LSG1: variants seen among roughly 807,000 people sequenced by gnomAD.
The protein encoded by LSG1 is large 60S subunit nuclear export GTPase 1.
Under a neutral mutation model 82.6 loss-of-function variants are expected in LSG1, and 55 were observed. The ratio of observed to expected loss-of-function variants is 0.67; its 90% CI spans 0.54 to 0.83. LSG1 has a LOEUF of 0.83. LSG1 is among the 40% of genes least tolerant of loss of function. LSG1 has a pLI of 0.00. For synonymous variants in LSG1, 272 were observed against 282.5 expected (o/e 0.96, Z 0.37); for missense variants, 809 against 807.9 (o/e 1.00, Z -0.02).
intron 7 of LSG1, among the ~76,000 whole-genome samples, chr3:194,657,458 GTTTT>G (rs58115258): frequency 1.1e-3 from 150 of 139,102 alleles, no homozygotes; most frequent in African/African-American, 1.7e-3. Context: ...TGCTTAGTAA[GTTTT>G]TTTTTTTTTT....
chr3:194,642,368 C>G (rs959147079), intron 13 of LSG1, 121 bp from the exon 14 acceptor site: 6 of 690,686 alleles, frequency 8.7e-6, no homozygotes, highest in Non-Finnish European at 1.3e-5. Flanking sequence ...TGAACTTCCG[C>G]CCCCCTCCCC....
chr3:194,646,887 G>A (rs763522964), intron 11 of LSG1, among the ~76,000 whole-genome samples: 2 of 152,230 alleles, frequency 1.3e-5, no homozygotes, highest in Non-Finnish European at 2.9e-5. Flanking sequence ...AATACTACTT[G>A]CAAAACAGAA....
At chr3:194,648,312 G>T (rs964078080) in intron 11 of LSG1, among the ~76,000 whole-genome samples, 1 of 151,952 alleles carries the variant, frequency 6.6e-6, no homozygotes, top group African/African-American at 2.4e-5. Context: ...TCTCTGAGGG[G>T]TCTCCCTTCT....
chr3:194,658,882 A>C, intron 7 of LSG1, 75 bp downstream of exon 7: 3 of 1,400,132 alleles, frequency 2.1e-6, no homozygotes, highest in South Asian at 2.7e-5. Context: ...GAATAAACAA[A>C]ACACAAACGA....
chr3:194,655,182 C>A (rs573828435), intron 7 of LSG1, among the ~76,000 whole-genome samples: 1 of 152,154 alleles, frequency 6.6e-6, no homozygotes, highest in Non-Finnish European at 1.5e-5. Flanking sequence ...TTAATCCAGA[C>A]ACTGACATTA....
At chr3:194,662,618 C>T (rs148859154) in intron 5 of LSG1, among the ~76,000 whole-genome samples, 2,005 of 152,218 alleles carry the variant, frequency 0.013, 46 homozygotes, top group African/African-American at 0.045. Context: ...CAAAATTAGC[C>T]GGGCGTGGTG....
Position 194,644,744 on chromosome 3 carries a change from A to T in LSG1, c.1626T>A (p.Gly542=). 6.2e-7 allele frequency: 1 copy of T among 1,602,892 alleles called. No individual in the cohort carries two copies. The highest frequency in any genetic ancestry group is 8.5e-7 in the Non-Finnish European group (1 of 1,174,002). ...GAGGAGGATGGCAGTACAGCAGCTT[A>T]CCCTACAAAGACAACATGAATGACA... ...ARYILKDYVS[G]KLLYCHPPPG... The change falls in exon 13 of 14, where the codon GGT becomes GGA. Residue 542 remains glycine, a splice_region_variant and synonymous_variant. Coordinates refer to ENST00000265245, the MANE Select transcript of LSG1 (RefSeq NM_018385.3).
In LSG1 at chr3:194,672,085, G is replaced by C; in HGVS notation, c.78C>G (p.Ser26Arg). The change falls in exon 1 of 14, where the codon AGC (serine) becomes AGG (arginine). Residue 26 changes from serine to arginine, a missense_variant. Coordinates refer to ENST00000265245, the MANE Select transcript of LSG1 (RefSeq NM_018385.3). Reference sequence around the variant, plus strand: ...TTACCCAGGAGTCAGTGTGACGATGGCTTCGGCTCCGCTGAGTCTGATGGC... The same window carrying C: ...TTACCCAGGAGTCAGTGTGACGATGCCTTCGGCTCCGCTGAGTCTGATGGC... The part of the protein sequence containing the change: ...LMRHQTQRSR[S>R]HRHTDSWLHT... 1 of 1,611,870 alleles carries C rather than the reference G, an allele frequency of 6.2e-7. No homozygotes were observed. Among genetic ancestry groups the C allele is most frequent in the Non-Finnish European group, 8.5e-7 (1 of 1,179,974 alleles).
intron 1 of LSG1, 133 bp downstream of exon 1, chr3:194,671,931 C>CAGA: frequency 1.3e-6 from 1 of 784,476 alleles, no homozygotes; most frequent in Middle Eastern, 2.2e-4. Context: ...CTCAGCTTGG[C>CAGA]AGAAACTCCA....
chr3:194,657,770 A>C (rs1444284022), intron 7 of LSG1, among the ~76,000 whole-genome samples: 2 of 152,160 alleles, frequency 1.3e-5, no homozygotes, highest in Admixed American at 6.5e-5. Context: ...AGAGAACCGA[A>C]GGGACAAAGA....
chr3:194,646,107 C>T (rs571034770), intron 12 of LSG1, 57 bp downstream of exon 12: 60 of 1,523,112 alleles, frequency 3.9e-5, no homozygotes, highest in South Asian at 1.6e-4. Context: ...TATCTAAGAA[C>T]GCAGAATGTG....
intron 13 of LSG1, among the ~76,000 whole-genome samples, chr3:194,644,158 C>T (rs112743867): frequency 1.6e-4 from 25 of 151,834 alleles, no homozygotes; most frequent in African/African-American, 5.8e-4. Context: ...GTCAGGAGAT[C>T]GAGACCATCC....
intron 1 of LSG1, 105 bp from the exon 2 acceptor site, chr3:194,670,240 G>T: frequency 1.6e-6 from 2 of 1,221,130 alleles, no homozygotes; most frequent in South Asian, 1.3e-5. Flanking sequence ...GAGGGTGGTT[G>T]TAGTCCCTTT....
chr3:194,649,901 T>C (rs759620541), intron 10 of LSG1, among the ~76,000 whole-genome samples: 2 of 150,592 alleles, frequency 1.3e-5, no homozygotes, highest in Non-Finnish European at 2.9e-5. Flanking sequence ...TCTCAGACCT[T>C]GCAGTTTTTT....
At chr3:194,658,204 C>T (rs1675950) in intron 7 of LSG1, among the ~76,000 whole-genome samples, 93,425 of 152,024 alleles carry the variant, frequency 0.61, 30,260 homozygotes, top group East Asian at 0.87. Flanking sequence ...CTGGAGTGCA[C>T]TGGCATGATC....
chr3:194,659,172 CAA>C (rs759172723), intron 6 of LSG1, 39 bp from the exon 7 acceptor site: 1 of 1,485,902 alleles, frequency 6.7e-7, no homozygotes, highest in Non-Finnish European at 9.1e-7. Context: ...CCTCTTCAAA[CAA>C]GTAAAAAAAT....
intron 5 of LSG1, among the ~76,000 whole-genome samples, chr3:194,662,599 C>T (rs1718955584): frequency 6.6e-6 from 1 of 152,154 alleles, no homozygotes; most frequent in South Asian, 2.1e-4. Context: ...CCCGTCTCTA[C>T]TAAAAATACA....
Position 194,641,704 on chromosome 3 carries a change from C to G in LSG1, c.*364G>C, listed in dbSNP as rs1164887391. 6.2e-6 allele frequency: 1 copy of G among 162,230 alleles called. No homozygotes were observed. Among genetic ancestry groups the G allele is most frequent in the Non-Finnish European group, 1.3e-5 (1 of 74,582 alleles). 10.0% of individuals were successfully genotyped at this position (162,230 alleles called of 1,614,324 possible). On this transcript the variant is annotated 3_prime_UTR_variant, in exon 14 of 14. Coordinates refer to ENST00000265245, the MANE Select transcript of LSG1 (RefSeq NM_018385.3). ...TCTCCATTCACTGCAAACTCTGCCT[C>G]CCTGGTTCAAGTGATTCTCCTGCCT...
intron 13 of LSG1, among the ~76,000 whole-genome samples, 185 bp downstream of exon 13, chr3:194,644,388 A>C (rs1235091140): frequency 3.4e-5 from 3 of 87,304 alleles, no homozygotes; most frequent in Non-Finnish European, 7.3e-5. Flanking sequence ...AAATAAAAAT[A>C]AATAAATAAA....
Sources: allele counts gnomAD v4.1 joint callset (sites outside exome capture counted in the v4.1 genomes callset), GRCh38; gene constraint gnomAD v4.1.1; transcripts MANE v1.5; gene names NCBI Gene and HGNC (gene_info 2026-07-23, HGNC 2026-07-21).